VAPB: variants seen among roughly 807,000 people sequenced by gnomAD.
The protein encoded by VAPB is VAMP associated protein B and C, also known as vesicle-associated membrane protein-associated protein B/C.
VAPB carries 7 observed loss-of-function variants against 25.6 expected under a neutral mutation model. The observed-to-expected ratio is 0.27, with a 90% CI of 0.16 to 0.51. VAPB has a LOEUF of 0.51. Ranked by LOEUF, VAPB falls within the 20% of genes least tolerant of loss-of-function variation. The pLI is 0.97. For missense variants in VAPB, 266 were observed against 301.3 expected (o/e 0.88, Z 0.87); for synonymous variants, 112 against 109.2 (o/e 1.03, Z -0.16).
intron 2 of VAPB, among the ~76,000 whole-genome samples, chr20:58,424,435 G>A (rs185997037): frequency 6.6e-6 from 1 of 151,942 alleles, no homozygotes; most frequent in East Asian, 1.9e-4. Context: ...AATAACAGTG[G>A]GGAGCTGGAA....
At chr20:58,399,375 C>T in intron 1 of VAPB, among the ~76,000 whole-genome samples, 1 of 151,668 alleles carries the variant, frequency 6.6e-6, no homozygotes, top group East Asian at 1.9e-4. Flanking sequence ...CTCGTTGGCA[C>T]CTCTTACATA....
intron 1 of VAPB, among the ~76,000 whole-genome samples, chr20:58,411,510 G>C (rs769816400): frequency 6.6e-6 from 1 of 152,168 alleles, no homozygotes; most frequent in Non-Finnish European, 1.5e-5. Context: ...TCGAATTCCT[G>C]ACCTCAGCTG....
intron 2 of VAPB, among the ~76,000 whole-genome samples, chr20:58,422,800 C>G (rs1988695916): frequency 6.6e-6 from 1 of 152,094 alleles, no homozygotes; most frequent in Non-Finnish European, 1.5e-5. Flanking sequence ...ACTAAAGTAG[C>G]AAGCATGCGT....
intron 1 of VAPB, among the ~76,000 whole-genome samples, chr20:58,409,397 G>C (rs554799905): frequency 1.3e-5 from 2 of 152,258 alleles, no homozygotes; most frequent in African/African-American, 4.8e-5. Flanking sequence ...TAGAATGTCC[G>C]TGTCCCTCCA....
chr20:58,418,409 C>G (rs754189404), intron 2 of VAPB, 46 bp downstream of exon 2: 1 of 1,603,340 alleles, frequency 6.2e-7, no homozygotes, highest in Non-Finnish European at 8.5e-7. Context: ...CAGAAGGCCC[C>G]TGGACAGTAG....
At chr20:58,413,819 G>C (rs1464730548) in intron 1 of VAPB, among the ~76,000 whole-genome samples, 1 of 141,858 alleles carries the variant, frequency 7.0e-6, no homozygotes, top group African/African-American at 2.6e-5. Flanking sequence ...TGGCCGGGCG[G>C]GGGGCTGACC....
In VAPB at chr20:58,446,946, G is replaced by A. The variant is rs562754374; in HGVS notation, c.*2711G>A. On this transcript the variant is annotated 3_prime_UTR_variant, in exon 6 of 6. Transcript: ENST00000475243. ...AAGGCAAAGAGGAGGTGAATATGGG[G>A]CCTGTCACAACGGCCTGCCCTGCCC... 4.6e-5 allele frequency: 21 copies of A among 454,066 alleles called. No individual in the cohort carries two copies. The highest frequency in any genetic ancestry group is 4.2e-4 in the East Asian group (6 of 14,394). 28.1% of individuals were successfully genotyped at this position (454,066 alleles called of 1,614,324 possible). A position where few individuals can be genotyped will look rare whatever the true frequency, so the allele number is the denominator to read the frequency against.
chr20:58,415,996 C>T (rs1988532267), intron 1 of VAPB, among the ~76,000 whole-genome samples: 1 of 152,116 alleles, frequency 6.6e-6, no homozygotes, highest in Admixed American at 6.5e-5. Flanking sequence ...GATTTTTACC[C>T]ACGGGACTTT....
rs772258342 is a variant in VAPB at position 58,445,959 on chromosome 20, C to G, written c.*1724C>G. ...GAAGGCAGTCCTTAGAAGTCACATA[C>G]GTTGAGCCACGTTGCTCCTAAGCCT... On this transcript the variant is annotated 3_prime_UTR_variant, in exon 6 of 6. Coordinates refer to ENST00000475243, the MANE Select transcript of VAPB (RefSeq NM_004738.5). 1 of 454,044 alleles carries G rather than the reference C, an allele frequency of 2.2e-6. No homozygotes were observed. The highest frequency in any genetic ancestry group is 4.4e-6 in the Non-Finnish European group (1 of 226,772). 28.1% of individuals were successfully genotyped at this position (454,044 alleles called of 1,614,324 possible). A position where few individuals can be genotyped will look rare whatever the true frequency, so the allele number is the denominator to read the frequency against.
At chr20:58,416,055 T>C (rs1988533910) in intron 1 of VAPB, among the ~76,000 whole-genome samples, 1 of 152,160 alleles carries the variant, frequency 6.6e-6, no homozygotes, top group Admixed American at 6.5e-5. Context: ...TCAGTATAGT[T>C]CCCTCCAGAT....
chr20:58,426,104 C>T (rs1468388773), intron 2 of VAPB, among the ~76,000 whole-genome samples: 1 of 152,106 alleles, frequency 6.6e-6, no homozygotes, highest in Non-Finnish European at 1.5e-5. Flanking sequence ...CAATGTTGGC[C>T]AGGCTGGCCT....
chr20:58,408,740 G>A (rs946651158), intron 1 of VAPB, among the ~76,000 whole-genome samples: 1 of 152,068 alleles, frequency 6.6e-6, no homozygotes, highest in African/African-American at 2.4e-5. Context: ...TTTCAGATCC[G>A]GGTTTTGAAG....
At chr20:58,418,551 G>GT (rs1036529237) in intron 2 of VAPB, among the ~76,000 whole-genome samples, 188 bp downstream of exon 2, 1 of 128,744 alleles carries the variant, frequency 7.8e-6, no homozygotes, top group African/African-American at 3.0e-5. Flanking sequence ...CCAGTCGCCT[G>GT]TTTTTTTCAT....
rs1274696656 is a variant in VAPB, at chr20:58,389,350, G to C, written c.-110G>C. The C allele has an allele frequency of 9.1e-6, 5 of 546,522 alleles. No homozygotes were observed. Among genetic ancestry groups the C allele is most frequent in the African/African-American group, 2.9e-5 (1 of 34,414 alleles). 33.9% of individuals were successfully genotyped at this position (546,522 alleles called of 1,614,324 possible). Reference sequence around the variant, plus strand: ...GGTAGAGGACCCCCGCCCGTGCCCCGACCGGTCCCCGCCTTTTTGTAAAAC... The same window carrying C: ...GGTAGAGGACCCCCGCCCGTGCCCCCACCGGTCCCCGCCTTTTTGTAAAAC... On this transcript the variant is annotated 5_prime_UTR_variant, in exon 1 of 6. Transcript: ENST00000475243.
chr20:58,410,113 A>G (rs938729426), intron 1 of VAPB, among the ~76,000 whole-genome samples: 1 of 152,170 alleles, frequency 6.6e-6, no homozygotes, highest in East Asian at 1.9e-4. Flanking sequence ...AAGTATGCAC[A>G]GAGTTCTCTT....
chr20:58,410,060 T>C (rs1193707280), intron 1 of VAPB, among the ~76,000 whole-genome samples: 3 of 151,932 alleles, frequency 2.0e-5, no homozygotes, highest in Non-Finnish European at 4.4e-5. Context: ...TTAAAAAAAA[T>C]ATAGTTTAGA....
At chr20:58,400,636 A>C (rs1265914830) in intron 1 of VAPB, among the ~76,000 whole-genome samples, 1 of 152,186 alleles carries the variant, frequency 6.6e-6, no homozygotes, top group African/African-American at 2.4e-5. Context: ...TTCTGAGTAG[A>C]CTACATAGAC....
intron 1 of VAPB, among the ~76,000 whole-genome samples, chr20:58,413,806 A>C (rs71368141): frequency 8.8e-6 from 1 of 114,152 alleles, no homozygotes; most frequent in Admixed American, 8.8e-5. Context: ...CGGACGGGGC[A>C]GCTGGCCGGG....
chr20:58,442,235 ATCT>A (rs563310443), intron 5 of VAPB, among the ~76,000 whole-genome samples: 8 of 152,324 alleles, frequency 5.3e-5, no homozygotes, highest in Middle Eastern at 3.4e-3. Context: ...AAATGGCATC[ATCT>A]TCTTCCTTTG....
Sources: gnomAD v4.1 joint callset for allele counts (sites outside exome capture counted in the v4.1 genomes callset) on GRCh38, gnomAD v4.1.1 for gene constraint, MANE v1.5 for transcripts, NCBI Gene and HGNC (gene_info 2026-07-23, HGNC 2026-07-21) for gene names.